The following PARP15 variants were observed in gnomAD, a reference collection of about 807,000 sequenced individuals.
The protein encoded by PARP15 is protein mono-ADP-ribosyltransferase PARP15.
In PARP15, 50 loss-of-function variants were observed where a neutral mutation model predicts 62.1. That is an observed-to-expected ratio of 0.81 (90% CI 0.64 to 1.02). PARP15 has a LOEUF of 1.02. PARP15 is among the 50% of genes least tolerant of loss of function. The pLI, the probability that PARP15 is intolerant of heterozygous loss-of-function variation, is 0.00. For synonymous variants in PARP15, 309 were observed against 293.1 expected, an observed-to-expected ratio of 1.05 and a Z score of -0.55; for missense variants, 820 against 826.5, an observed-to-expected ratio of 0.99 and a Z score of 0.10.
intron 8 of PARP15, among the ~76,000 whole-genome samples, chr3:122,623,251 G>A (rs756280719): frequency 1.1e-4 from 17 of 152,134 alleles, no homozygotes; most frequent in Non-Finnish European, 2.1e-4. Context: ...AACCCAAATT[G>A]TTTTGTTCCC....
At chr3:122,601,040 T>TTTTTTG (rs1934758217) in intron 1 of PARP15, among the ~76,000 whole-genome samples, 3 of 131,430 alleles carry the variant, frequency 2.3e-5, no homozygotes, top group African/African-American at 1.0e-4. Context: ...TTTATGGTTT[T>TTTTTTG]TTTTTTTTTT....
At chr3:122,584,912 G>A (rs925656527) in intron 1 of PARP15, among the ~76,000 whole-genome samples, 6 of 152,152 alleles carry the variant, frequency 3.9e-5, no homozygotes, top group African/African-American at 9.6e-5. Context: ...GTTAGGAATC[G>A]GTGTTAAATT....
chr3:122,635,153 T>C lies in PARP15; in HGVS notation c.1706T>C (p.Val569Ala). ...HGTDADSVPY[V>A]NQHGFNRSCA... ...ACAGATGCAGACTCAGTGCCATATGTCAATCAGCACGGCTTTAATAGAAGT... is the reference window on the plus strand; with the variant it reads ...ACAGATGCAGACTCAGTGCCATATGCCAATCAGCACGGCTTTAATAGAAGT... Residue 569 changes from valine (V) to alanine (A), a missense_variant, in exon 11 of 12, where the codon GTC (valine) becomes GCC (alanine). Val to Ala is a moderately conservative substitution (Grantham distance 64). Around this residue, in one of 3 missense-constraint regions of PARP15, gnomAD observed 731 missense variants for 727.7 expected, o/e 1.00. Transcript: ENST00000464300. 3 of 1,613,936 alleles carry C rather than the reference T, an allele frequency of 1.9e-6. No individual in the cohort carries two copies. Among genetic ancestry groups the C allele is most frequent in the Non-Finnish European group, 2.5e-6 (3 of 1,179,940 alleles).
chr3:122,610,439 G>C, intron 2 of PARP15, 55 bp from the exon 3 acceptor site: 2 of 1,417,256 alleles, frequency 1.4e-6, no homozygotes, highest in African/African-American at 1.4e-5. Context: ...ATTTACAGTT[G>C]CTCCATCATT....
At chr3:122,588,679 A>G (rs1023703771) in intron 1 of PARP15, among the ~76,000 whole-genome samples, 3 of 152,128 alleles carry the variant, frequency 2.0e-5, no homozygotes, top group African/African-American at 7.2e-5. Context: ...TAAATAAAAC[A>G]AAGAAATTTT....
chr3:122,604,892 G>A (rs914651550), intron 1 of PARP15, among the ~76,000 whole-genome samples: 8 of 150,240 alleles, frequency 5.3e-5, no homozygotes, highest in East Asian at 3.9e-4. Flanking sequence ...AGAAATTAGC[G>A]GGGTGTGGTG....
chr3:122,602,463 T>C (rs75634557), intron 1 of PARP15, among the ~76,000 whole-genome samples: 2,406 of 152,288 alleles, frequency 0.016, 67 homozygotes, highest in African/African-American at 0.053. Context: ...AGCTTCTTCC[T>C]CTTCTCTATC....
rs555555657 is a variant in PARP15, at chr3:122,588,819, G to T, written c.186+10966G>T. Among the ~76,000 whole-genome samples the T allele has an allele frequency of 2.0e-5, 3 of 152,248 alleles. No homozygotes were observed. The East Asian group carries it at 5.8e-4, about 29-fold the overall frequency. On this transcript the variant is annotated intron_variant, in intron 1 of 11. Transcript: ENST00000464300. ...ATATTCTGGACATTTCACATAAATGGATTCATACAATATGTGGCCTTTTGT... is the reference window on the plus strand; with the variant it reads ...ATATTCTGGACATTTCACATAAATGTATTCATACAATATGTGGCCTTTTGT...
At chr3:122,616,100 C>A (rs1240441521) in intron 5 of PARP15, among the ~76,000 whole-genome samples, 1 of 152,200 alleles carries the variant, frequency 6.6e-6, no homozygotes, top group African/African-American at 2.4e-5. Context: ...AATAACTAAA[C>A]CGTGCCTGGC....
intron 1 of PARP15, among the ~76,000 whole-genome samples, chr3:122,586,631 A>T (rs537922830): frequency 2.6e-5 from 4 of 152,330 alleles, no homozygotes; most frequent in African/African-American, 4.8e-5. Flanking sequence ...ATGCATTTTT[A>T]AAAAATAGTC....
intron 1 of PARP15, among the ~76,000 whole-genome samples, chr3:122,587,562 C>G (rs1310407178): frequency 6.6e-6 from 1 of 152,084 alleles, no homozygotes; most frequent in Non-Finnish European, 1.5e-5. Context: ...GCTGGGGTCT[C>G]GCTCTGTCCC....
At chr3:122,604,489 G>A (rs144791854) in intron 1 of PARP15, among the ~76,000 whole-genome samples, 2,417 of 152,182 alleles carry the variant, frequency 0.016, 67 homozygotes, top group African/African-American at 0.053. Flanking sequence ...AGGCCAAGGC[G>A]GGTGGATCAC....
intron 1 of PARP15, among the ~76,000 whole-genome samples, chr3:122,596,973 A>G (rs2107495310): frequency 6.6e-6 from 1 of 152,366 alleles, no homozygotes; most frequent in East Asian, 1.9e-4. Flanking sequence ...TTAACTTTCA[A>G]TAGTGGTGTC....
In PARP15 at chr3:122,621,441, C is replaced by A; in HGVS notation, c.1064-3C>A. On this transcript the variant is annotated splice_region_variant and splice_polypyrimidine_tract_variant and intron_variant, in intron 7 of 11. Coordinates refer to ENST00000464300, the MANE Select transcript of PARP15 (RefSeq NM_001113523.3). ...ATGTTTGTTTTTCTTTCCTTTTTTT[C>A]AGCTGCACAGCCTCACAGAGATTTT... 6.3e-7 allele frequency: 1 copy of A among 1,589,524 alleles called. No individual in the cohort carries two copies. The highest frequency in any genetic ancestry group is 1.2e-5 in the South Asian group (1 of 86,822).
rs1483142688 is a variant in PARP15 at position 122,638,883 on chromosome 3, AT to A, written c.*2787del. 2.6e-5 allele frequency: 4 copies of A among 152,130 alleles called. No individual in the cohort carries two copies. Among genetic ancestry groups the A allele is most frequent in the Non-Finnish European group, 5.9e-5 (4 of 68,024 alleles). 9.4% of individuals were successfully genotyped at this position (152,130 alleles called of 1,614,324 possible). ...TGTTCTTATTTTTTCTGTAAACATAATTTTAATGGCAGAGATATTCTGCTTT... is the reference window on the plus strand; with the variant it reads ...TGTTCTTATTTTTTCTGTAAACATAATTTAATGGCAGAGATATTCTGCTTT... On this transcript the variant is annotated 3_prime_UTR_variant, in exon 12 of 12. Transcript: ENST00000464300.
intron 1 of PARP15, among the ~76,000 whole-genome samples, chr3:122,589,670 T>C (rs1469446548): frequency 6.6e-6 from 1 of 152,214 alleles, no homozygotes; most frequent in Non-Finnish European, 1.5e-5. Context: ...GCCATTTGTA[T>C]ATCTTCCTTT....
intron 1 of PARP15, among the ~76,000 whole-genome samples, chr3:122,578,912 G>GA (rs1478338669): frequency 1.3e-5 from 2 of 152,162 alleles, no homozygotes; most frequent in Non-Finnish European, 2.9e-5. Flanking sequence ...TGGGACATAT[G>GA]TAACAGCTTT....
intron 1 of PARP15, among the ~76,000 whole-genome samples, chr3:122,601,796 C>A (rs9810050): frequency 0.23 from 35,696 of 152,160 alleles, 8,908 homozygotes; most frequent in African/African-American, 0.63. Context: ...AATACCAAGT[C>A]ATGCAACTGC....
rs139835014 is a variant in PARP15 at position 122,610,574 on chromosome 3, T to C, written c.387T>C (p.Ala129=). ...GPLSRAFLQK[A]GPMLQKELDD... is the part of the protein sequence containing the mutation. ...TATCTCGGGCATTTTTGCAGAAAGC[T>C]GGTCCCATGCTCCAGAAAGAGTTAG... is the stretch of plus-strand genomic sequence containing the variant. The change falls in exon 3 of 12, where the codon GCT becomes GCC. Residue 129 remains alanine (A), a synonymous_variant. Coordinates refer to ENST00000464300, the MANE Select transcript of PARP15 (RefSeq NM_001113523.3). 860 of 1,551,752 alleles carry C rather than the reference T, an allele frequency of 5.5e-4. 4 individuals are homozygous for C. The African/African-American group carries it at 0.011, about 20-fold the overall frequency.
Sources: gnomAD v4.1 joint callset for allele counts (sites outside exome capture counted in the v4.1 genomes callset) on GRCh38, gnomAD v4.1.1 for gene constraint, gnomAD v4.1.1 regional missense constraint, MANE v1.5 for transcripts, NCBI Gene and HGNC (gene_info 2026-07-23, HGNC 2026-07-21) for gene names.